The following CNTNAP2 variants were observed in gnomAD, a reference collection of about 807,000 sequenced individuals.
CNTNAP2 encodes the protein contactin-associated protein-like 2.
A neutral mutation model predicts 155.2 loss-of-function variants in CNTNAP2; 98 were observed. That is an observed-to-expected ratio of 0.63 (90% CI 0.54 to 0.75). The LOEUF is 0.75. CNTNAP2 is among the 30% of genes least tolerant of loss of function. The probability of loss-of-function intolerance (pLI) is 0.00; values close to 1 mark genes in which losing one functional copy is unlikely to be tolerated. For synonymous variants in CNTNAP2, 651 were observed against 631.2 expected (o/e 1.03, Z -0.47); for missense variants, 1,727 against 1,688.1 (o/e 1.02, Z -0.40).
chr7:146,651,074 C>G (rs1210893319), intron 1 of CNTNAP2, among the ~76,000 whole-genome samples: 3 of 152,046 alleles, frequency 2.0e-5, no homozygotes, highest in East Asian at 1.9e-4. Context: ...CTATCACACT[C>G]TAATACATAA....
chr7:146,949,408 A>G (rs893783805), intron 3 of CNTNAP2, among the ~76,000 whole-genome samples: 1 of 152,122 alleles, frequency 6.6e-6, no homozygotes, highest in African/African-American at 2.4e-5. Context: ...TGCTTTTGCC[A>G]CAACCTCTCG....
intron 13 of CNTNAP2, among the ~76,000 whole-genome samples, chr7:147,762,150 CTGT>C: frequency 7.5e-6 from 1 of 133,392 alleles, no homozygotes; most frequent in East Asian, 2.0e-4. Context: ...CTCTCTCTCT[CTGT>C]CTCACACACA....
At chr7:147,051,688 A>G (rs1395472059) in intron 4 of CNTNAP2, among the ~76,000 whole-genome samples, 5 of 152,128 alleles carry the variant, frequency 3.3e-5, no homozygotes, top group African/African-American at 1.2e-4. Context: ...ATTTCAGTGT[A>G]CAAAAATATA....
intron 4 of CNTNAP2, among the ~76,000 whole-genome samples, chr7:147,053,518 T>A (rs911023289): frequency 6.6e-6 from 1 of 152,124 alleles, no homozygotes; most frequent in Non-Finnish European, 1.5e-5. Context: ...TCACATCATA[T>A]TACTGTAAAA....
intron 10 of CNTNAP2, among the ~76,000 whole-genome samples, chr7:147,447,995 T>C (rs1219656988): frequency 2.6e-5 from 4 of 152,076 alleles, no homozygotes; most frequent in Admixed American, 1.3e-4. Context: ...GCCCTCTCAA[T>C]TGGTTCATGA....
chr7:146,403,531 A>T (rs966377848), intron 1 of CNTNAP2, among the ~76,000 whole-genome samples: 2 of 152,206 alleles, frequency 1.3e-5, no homozygotes, highest in African/African-American at 2.4e-5. Flanking sequence ...TCTAATTAAT[A>T]CATTTACTTT....
intron 9 of CNTNAP2, among the ~76,000 whole-genome samples, chr7:147,305,063 T>C (rs1795003560): frequency 6.6e-6 from 1 of 152,114 alleles, no homozygotes; most frequent in African/African-American, 2.4e-5. Flanking sequence ...CATGACCTAA[T>C]TAGCCCCCAA....
chr7:148,219,928 C>T (rs1461056944), intron 19 of CNTNAP2, among the ~76,000 whole-genome samples: 1 of 152,152 alleles, frequency 6.6e-6, no homozygotes, highest in Non-Finnish European at 1.5e-5. Flanking sequence ...TTATTACTAA[C>T]TTAATTCAGC....
At chr7:147,155,104 C>T (rs926928847) in intron 8 of CNTNAP2, among the ~76,000 whole-genome samples, 13 of 152,070 alleles carry the variant, frequency 8.5e-5, no homozygotes, top group African/African-American at 2.2e-4. Context: ...AAATCCTAAC[C>T]GCGGAGGTGA....
In CNTNAP2 at chr7:148,406,250, G is replaced by GAAAT. The variant is rs1306675462; in HGVS notation, c.3716-3139_3716-3138insATAA. Among the ~76,000 whole-genome samples the GAAAT allele has an allele frequency of 1.3e-5, 2 of 151,820 alleles. 1 individual carries two copies. The highest frequency in any genetic ancestry group is 4.2e-4 in the South Asian group (2 of 4,786). Reference sequence around the variant, plus strand: ...CCATCTCAAAAAATAAAGAAAGAAAGAAGGTCATGACGGGGCAGGGGATAA... The same window carrying GAAAT: ...CCATCTCAAAAAATAAAGAAAGAAAGAAATAAGGTCATGACGGGGCAGGGGATAA... On this transcript the variant is annotated intron_variant, in intron 22 of 23. Coordinates refer to ENST00000361727, the MANE Select transcript of CNTNAP2 (RefSeq NM_014141.6).
At chr7:147,757,271 A>G (rs1235805997) in intron 13 of CNTNAP2, among the ~76,000 whole-genome samples, 1 of 152,146 alleles carries the variant, frequency 6.6e-6, no homozygotes, top group Non-Finnish European at 1.5e-5. Context: ...ATTTTCTGAG[A>G]GATTGCACTA....
chr7:147,763,119 C>T lies in CNTNAP2; in HGVS notation c.2098+123813C>T, dbSNP rs146017945. ...TACTAAAAATACAAAATTAGCCAAG[C>T]ATGGAGGCGCATGCCTGTAATCCCA... On this transcript the variant is annotated intron_variant, in intron 13 of 23. Coordinates refer to ENST00000361727, the MANE Select transcript of CNTNAP2 (RefSeq NM_014141.6). Among the ~76,000 whole-genome samples, 178 of 152,046 alleles carry T rather than the reference C, an allele frequency of 1.2e-3. 2 individuals are homozygous for T. In the East Asian group the frequency reaches 0.033, roughly 28 times the overall value.
At chr7:147,736,165 G>T (rs1418101742) in intron 13 of CNTNAP2, among the ~76,000 whole-genome samples, 4 of 151,910 alleles carry the variant, frequency 2.6e-5, no homozygotes, top group African/African-American at 9.7e-5. Flanking sequence ...GTTACTGGTT[G>T]TTCCTTTCCA....
chr7:147,172,882 T>C (rs1175393927), intron 8 of CNTNAP2, among the ~76,000 whole-genome samples: 1 of 152,190 alleles, frequency 6.6e-6, no homozygotes, highest in African/African-American at 2.4e-5. Context: ...TTGTTTGGTA[T>C]ATTTAAACCC....
chr7:146,359,987 C>T (rs975320616), intron 1 of CNTNAP2, among the ~76,000 whole-genome samples: 1 of 152,146 alleles, frequency 6.6e-6, no homozygotes, highest in African/African-American at 2.4e-5. Flanking sequence ...TTAAGGGGTT[C>T]AAATTACCTT....
chr7:146,775,526 G>A (rs1802374596), intron 2 of CNTNAP2, among the ~76,000 whole-genome samples: 1 of 150,862 alleles, frequency 6.6e-6, no homozygotes, highest in East Asian at 2.0e-4. Flanking sequence ...AAAAATGAAA[G>A]GGAATGAATA....
chr7:146,249,373 T>G (rs1799720901), intron 1 of CNTNAP2, among the ~76,000 whole-genome samples: 1 of 152,234 alleles, frequency 6.6e-6, no homozygotes. Context: ...AATTCAAATT[T>G]ATTTCTGTAT....
chr7:146,999,417 A>G (rs79642760), intron 3 of CNTNAP2, among the ~76,000 whole-genome samples: 4,017 of 152,030 alleles, frequency 0.026, 81 homozygotes, highest in South Asian at 0.048. Flanking sequence ...CTGTCATATT[A>G]AAATGTTTGG....
At chr7:148,040,653 C>T (rs1250035730) in intron 15 of CNTNAP2, among the ~76,000 whole-genome samples, 1 of 152,238 alleles carries the variant, frequency 6.6e-6, no homozygotes, top group Non-Finnish European at 1.5e-5. Context: ...TACACAAACA[C>T]ACACACAGTT....
Sources: allele counts gnomAD v4.1 joint callset (sites outside exome capture counted in the v4.1 genomes callset), GRCh38; gene constraint gnomAD v4.1.1; transcripts MANE v1.5; gene names NCBI Gene and HGNC (gene_info 2026-07-23, HGNC 2026-07-21).